BCL7A: variants seen among roughly 807,000 people sequenced by gnomAD.
The protein encoded by BCL7A is BAF chromatin remodeling complex subunit BCL7A.
Under a neutral mutation model 28.4 loss-of-function variants are expected in BCL7A, and 11 were observed. The ratio of observed to expected loss-of-function variants is 0.39; its 90% CI spans 0.24 to 0.64. The LOEUF is 0.64. Among genes scored for constraint, BCL7A ranks in the 30% least tolerant of loss-of-function variants. BCL7A has a pLI of 0.50. For synonymous variants in BCL7A, 123 were observed against 103.3 expected (o/e 1.19, Z -1.15); for missense variants, 222 against 274.8 (o/e 0.81, Z 1.36).
At chr12:122,025,590 G>A (rs1312448952) in intron 1 of BCL7A, among the ~76,000 whole-genome samples, 2 of 150,866 alleles carry the variant, frequency 1.3e-5, no homozygotes, top group Admixed American at 6.6e-5. Flanking sequence ...TTGCGCCACC[G>A]CACTCCAGCC....
intron 1 of BCL7A, among the ~76,000 whole-genome samples, chr12:122,023,719 T>C (rs1212799001): frequency 6.6e-6 from 1 of 152,176 alleles, no homozygotes; most frequent in Non-Finnish European, 1.5e-5. Context: ...GGTGCCCGAC[T>C]GGAGCCATTT....
intron 1 of BCL7A, among the ~76,000 whole-genome samples, chr12:122,024,397 G>A (rs557901259): frequency 6.6e-6 from 1 of 152,126 alleles, no homozygotes; most frequent in Admixed American, 6.5e-5. Flanking sequence ...CGCAGGAGGA[G>A]CTGTTGCTCA....
chr12:122,026,365 C>T (rs555121896), intron 1 of BCL7A, among the ~76,000 whole-genome samples: 1 of 152,162 alleles, frequency 6.6e-6, no homozygotes, highest in South Asian at 2.1e-4. Context: ...ATCACTTGAG[C>T]CCAGGAGGTT....
At position 122,021,921 on chromosome 12, in the gene BCL7A, T is replaced by TGC. The variant is rs1313670213; in HGVS notation, c.-170_-169insCG. ...GCGCGCGGCGGCCCCGGGCTTTGTG[T>TGC]GTGTGTGTATGTGTGTGTGTGTGTG... is the stretch of plus-strand genomic sequence containing the variant. On this transcript the variant is annotated 5_prime_UTR_variant, in exon 1 of 6. Coordinates refer to ENST00000261822, the MANE Select transcript of BCL7A (RefSeq NM_001024808.3). 4 of 389,438 alleles carry TGC rather than the reference T, an allele frequency of 1.0e-5. No homozygotes were observed. The highest frequency in any genetic ancestry group is 1.8e-5 in the Non-Finnish European group (4 of 221,596). The allele number at this position is 389,438 out of a possible 1,614,324, so 24.1% of individuals were successfully genotyped here. A position where few individuals can be genotyped will look rare whatever the true frequency, so the allele number is the denominator to read the frequency against.
chr12:122,025,454 C>T (rs1215314464), intron 1 of BCL7A, among the ~76,000 whole-genome samples: 4 of 151,606 alleles, frequency 2.6e-5, no homozygotes, highest in Non-Finnish European at 5.9e-5. Flanking sequence ...GAAACCCCGT[C>T]TCTACTAAAA....
chr12:122,037,897 G>A (rs920630881), intron 3 of BCL7A, among the ~76,000 whole-genome samples: 10 of 151,770 alleles, frequency 6.6e-5, no homozygotes, highest in South Asian at 2.1e-4. Flanking sequence ...TGCGGTGAGC[G>A]GAGATTGCGC....
At chr12:122,056,429 A>C (rs1003018295) in intron 5 of BCL7A, among the ~76,000 whole-genome samples, 7 of 152,172 alleles carry the variant, frequency 4.6e-5, no homozygotes, top group East Asian at 1.9e-4. Context: ...ACACCGACAC[A>C]CATATTGTCC....
Position 122,021,923 on chromosome 12 carries a change from T to A in BCL7A, c.-169T>A. On this transcript the variant is annotated 5_prime_UTR_variant, in exon 1 of 6. Coordinates refer to ENST00000261822, the MANE Select transcript of BCL7A (RefSeq NM_001024808.3). ...GCGCGGCGGCCCCGGGCTTTGTGTG[T>A]GTGTGTATGTGTGTGTGTGTGTGTG... 1 of 410,626 alleles carries A rather than the reference T, an allele frequency of 2.4e-6. No individual in the cohort carries two copies. The highest frequency in any genetic ancestry group is 4.2e-6 in the Non-Finnish European group (1 of 235,414). The allele number at this position is 410,626 out of a possible 1,614,324, so 25.4% of individuals were successfully genotyped here.
Position 122,022,179 on chromosome 12 carries a change from AAATGGTAAGCGGAGGCGCCCGC to A in BCL7A, c.89_92+18del. On this transcript the variant is annotated splice_donor_variant and splice_donor_5th_base_variant and coding_sequence_variant and intron_variant, in exon 1 of 6. Coordinates refer to ENST00000261822, the MANE Select transcript of BCL7A (RefSeq NM_001024808.3). LOFTEE classifies it high-confidence loss of function. ...CATGGCGGCGATCGAGAAAGTGCGC[AAATGGTAAGCGGAGGCGCCCGC>A]CGCCAGCCGCCTCCCCGGCCGCCCC... 6.5e-7 allele frequency: 1 copy of A among 1,528,360 alleles called. No individual in the cohort carries two copies. The highest frequency in any genetic ancestry group is 8.8e-7 in the Non-Finnish European group (1 of 1,135,378). 94.7% of individuals were successfully genotyped at this position (1,528,360 alleles called of 1,614,324 possible).
At chr12:122,024,468 T>TG (rs1031757863) in intron 1 of BCL7A, among the ~76,000 whole-genome samples, 6 of 151,640 alleles carry the variant, frequency 4.0e-5, no homozygotes, top group African/African-American at 1.2e-4. Context: ...TTTTGTTTTT[T>TG]TTTTTTTTTG....
intron 3 of BCL7A, among the ~76,000 whole-genome samples, chr12:122,038,752 CTG>C (rs1381939215): frequency 1.3e-5 from 2 of 152,194 alleles, no homozygotes; most frequent in Non-Finnish European, 2.9e-5. Context: ...CTTCCCCTGG[CTG>C]TGTGATCTTG....
chr12:122,061,936 G>A lies in BCL7A; in HGVS notation c.*2773G>A, dbSNP rs1250533688. 5.0e-6 allele frequency: 1 copy of A among 198,160 alleles called. No homozygotes were observed. Among genetic ancestry groups the A allele is most frequent in the Non-Finnish European group, 1.0e-5 (1 of 98,726 alleles). 12.3% of individuals were successfully genotyped at this position (198,160 alleles called of 1,614,324 possible). A position where few individuals can be genotyped will look rare whatever the true frequency, so the allele number is the denominator to read the frequency against. ...CCTTTCAAGAATTTTTTTTTTTTTT[G>A]GTGTGTTGTACAGCAGTATAATTTT... On this transcript the variant is annotated 3_prime_UTR_variant, in exon 6 of 6. Transcript: ENST00000261822.
intron 2 of BCL7A, among the ~76,000 whole-genome samples, chr12:122,032,829 A>T (rs950153347): frequency 1.3e-5 from 2 of 152,072 alleles, no homozygotes; most frequent in Admixed American, 1.3e-4. Flanking sequence ...GTGAGCCATG[A>T]TGTGCCATGT....
At chr12:122,033,140 CTT>C (rs36082754) in intron 2 of BCL7A, among the ~76,000 whole-genome samples, 10 of 141,364 alleles carry the variant, frequency 7.1e-5, no homozygotes, top group Non-Finnish European at 9.2e-5. Flanking sequence ...ATAGAAGTCA[CTT>C]TTTTTTTTTT....
Position 122,060,456 on chromosome 12 carries a change from C to A in BCL7A, c.*1293C>A, listed in dbSNP as rs775343183. ...GCAATCTCCCCTCCCTCCCATCCCC[C>A]ACCTTCGCTGGAACAGCTTCCTCTC... is the stretch of plus-strand genomic sequence containing the variant. On this transcript the variant is annotated 3_prime_UTR_variant, in exon 6 of 6. Transcript: ENST00000261822. 17 of 233,286 alleles carry A rather than the reference C, an allele frequency of 7.3e-5. No individual in the cohort carries two copies. Among genetic ancestry groups the A allele is most frequent in the African/African-American group, 1.1e-4 (5 of 45,324 alleles). 14.5% of individuals were successfully genotyped at this position (233,286 alleles called of 1,614,324 possible). A position where few individuals can be genotyped will look rare whatever the true frequency, so the allele number is the denominator to read the frequency against.
intron 3 of BCL7A, among the ~76,000 whole-genome samples, chr12:122,043,037 C>G (rs1433756566): frequency 6.7e-6 from 1 of 150,260 alleles, no homozygotes; most frequent in African/African-American, 2.5e-5. Context: ...ATGATACTGA[C>G]TTTAAGGGAG....
At chr12:122,040,904 C>T (rs1384786261) in intron 3 of BCL7A, among the ~76,000 whole-genome samples, 1 of 152,140 alleles carries the variant, frequency 6.6e-6, no homozygotes, top group Non-Finnish European at 1.5e-5. Flanking sequence ...CATTAGTGCT[C>T]ATTGTCATTC....
chr12:122,034,966 C>G (rs1485691584), intron 2 of BCL7A, among the ~76,000 whole-genome samples: 1 of 152,178 alleles, frequency 6.6e-6, no homozygotes, highest in Non-Finnish European at 1.5e-5. Flanking sequence ...TGTACCTGGG[C>G]TGATGGTAGC....
intron 4 of BCL7A, among the ~76,000 whole-genome samples, chr12:122,052,072 A>G (rs1257869932): frequency 1.3e-5 from 2 of 151,734 alleles, no homozygotes; most frequent in African/African-American, 4.8e-5. Context: ...ACGGGGTTTC[A>G]CCATGTTGGC....
Sources: allele counts gnomAD v4.1 joint callset (sites outside exome capture counted in the v4.1 genomes callset), GRCh38; gene constraint gnomAD v4.1.1; transcripts MANE v1.5; gene names NCBI Gene and HGNC (gene_info 2026-07-23, HGNC 2026-07-21).